Variants in PIK3R5 observed in about 807,000 individuals in gnomAD.
PIK3R5 encodes phosphoinositide 3-kinase regulatory subunit 5.
A neutral mutation model predicts 94.9 loss-of-function variants in PIK3R5; 32 were observed. The observed-to-expected ratio is 0.34, with a 90% CI of 0.25 to 0.45. PIK3R5 has a LOEUF of 0.45. Among genes scored for constraint, PIK3R5 ranks in the 20% least tolerant of loss-of-function variants. The pLI, the probability that PIK3R5 is intolerant of heterozygous loss-of-function variation, is 1.00. For missense variants in PIK3R5, 853 were observed against 1,144.6 expected, an observed-to-expected ratio of 0.75 and a Z score of 3.68; for synonymous variants, 443 against 479.4, an observed-to-expected ratio of 0.92 and a Z score of 0.99.
Position 8,935,193 on chromosome 17 carries a change from G to A in PIK3R5, c.-13-23686C>T, listed in dbSNP as rs1029626528. Among the ~76,000 whole-genome samples, 2 of 151,984 alleles carry A rather than the reference G, an allele frequency of 1.3e-5. No homozygotes were observed. Among genetic ancestry groups the A allele is most frequent in the Non-Finnish European group, 2.9e-5 (2 of 68,010 alleles). ...CGTTATAACTGCCTATTTCTCTAGCGGGCTTTCAACTCTGACGTCAATGTC... is the reference window on the plus strand; with the variant it reads ...CGTTATAACTGCCTATTTCTCTAGCAGGCTTTCAACTCTGACGTCAATGTC... On this transcript the variant is annotated intron_variant, in intron 1 of 18. Coordinates refer to ENST00000447110, the MANE Select transcript of PIK3R5 (RefSeq NM_001142633.3). The surrounding 1 kb of genome is among the most constrained non-coding windows in gnomAD (Gnocchi z 4.5).
chr17:8,936,226 C>T (rs566506560), intron 1 of PIK3R5, among the ~76,000 whole-genome samples: 26 of 152,144 alleles, frequency 1.7e-4, no homozygotes, highest in Non-Finnish European at 2.6e-4. Flanking sequence ...TCCATTAGTG[C>T]GGTTCATTCG....
rs753586955 is a variant in PIK3R5, at chr17:8,884,253, T to C, written c.2205+454A>G. Among the ~76,000 whole-genome samples the C allele has an allele frequency of 3.3e-5, 5 of 152,062 alleles. No individual in the cohort carries two copies. The highest frequency in any genetic ancestry group is 7.4e-5 in the Non-Finnish European group (5 of 67,992). On this transcript the variant is annotated intron_variant, in intron 15 of 18. Transcript: ENST00000447110. This position sits in a 1 kb window ranked among gnomAD's most constrained non-coding sequence, Gnocchi z 5.8. ...GGATGCGACCTGCTCAGAGAACTCA[T>C]GTCTTCTGGCATGTCATGGACAGCC...
At position 8,889,188 on chromosome 17, in the gene PIK3R5, G is replaced by T. The variant is rs1480711548; in HGVS notation, c.846C>A (p.Pro282=). ...AGGTGTAGCACCTGGCGACAGGGAT[G>T]GGGATGGTGTGGAGCTTCCCTGGTT... ...TAKPGKLHTI[P]IPVARCYTYS... The change falls in exon 9 of 19, where the codon CCC becomes CCA. Residue 282 remains proline, a synonymous_variant. Transcript: ENST00000447110. The surrounding 1 kb of genome is among the most constrained non-coding windows in gnomAD (Gnocchi z 4.1). 2 of 1,614,004 alleles carry T rather than the reference G, an allele frequency of 1.2e-6. No individual in the cohort carries two copies. Among genetic ancestry groups the T allele is most frequent in the South Asian group, 2.2e-5 (2 of 91,076 alleles).
chr17:8,964,063 G>A (rs758858361), intron 1 of PIK3R5, among the ~76,000 whole-genome samples: 3 of 152,234 alleles, frequency 2.0e-5, no homozygotes, highest in African/African-American at 4.8e-5. Context: ...CATCTCCCAC[G>A]TGCAGCCGTT....
chr17:8,959,621 AG>A (rs2091525038), intron 1 of PIK3R5, among the ~76,000 whole-genome samples: 1 of 152,194 alleles, frequency 6.6e-6, no homozygotes, highest in South Asian at 2.1e-4. Context: ...TGGCTCGGCC[AG>A]GTTGGGTGGA....
chr17:8,889,902 G>A lies in PIK3R5; in HGVS notation c.811+71C>T. On this transcript the variant is annotated intron_variant, in intron 8 of 18. Transcript: ENST00000447110. This position sits in a 1 kb window ranked among gnomAD's most constrained non-coding sequence, Gnocchi z 4.1. The stretch of plus-strand genomic sequence containing the variant: ...GGAGCAGAGCCACCAGGCCCGCCTG[G>A]ACCGTGCACCTTGGGACCTAGAATA... The A allele has an allele frequency of 6.4e-7, 1 of 1,553,218 alleles. No individual in the cohort carries two copies. Among genetic ancestry groups the A allele is most frequent in the Non-Finnish European group, 8.9e-7 (1 of 1,129,654 alleles).
chr17:8,918,479 T>C (rs2090671284), intron 1 of PIK3R5, among the ~76,000 whole-genome samples: 1 of 152,114 alleles, frequency 6.6e-6, no homozygotes, highest in Non-Finnish European at 1.5e-5. Flanking sequence ...CACAAGTCTA[T>C]AGATAATTAT....
Position 8,909,235 on chromosome 17 carries a change from G to A in PIK3R5, c.104-61C>T. On this transcript the variant is annotated intron_variant, in intron 2 of 18. Transcript: ENST00000447110. This position sits in a 1 kb window ranked among gnomAD's most constrained non-coding sequence, Gnocchi z 4.3. ...GTGTCTTCCAGTCACACTCAGGCAG[G>A]GGCTGTAAAGAAGGGGCATTTATGC... The A allele has an allele frequency of 1.2e-5, 12 of 1,005,670 alleles. No homozygotes were observed. Among genetic ancestry groups the A allele is most frequent in the South Asian group, 6.8e-5 (5 of 73,038 alleles). The allele number at this position is 1,005,670 out of a possible 1,614,324, so 62.3% of individuals were successfully genotyped here. A position where few individuals can be genotyped will look rare whatever the true frequency, so the allele number is the denominator to read the frequency against.
At chr17:8,954,164 T>G (rs987044218) in intron 1 of PIK3R5, among the ~76,000 whole-genome samples, 1 of 152,230 alleles carries the variant, frequency 6.6e-6, no homozygotes, top group Non-Finnish European at 1.5e-5. Context: ...AAGGAAGTTT[T>G]TTGTTCTAGA....
At chr17:8,913,039 T>A (rs2090558961) in intron 1 of PIK3R5, among the ~76,000 whole-genome samples, 1 of 152,216 alleles carries the variant, frequency 6.6e-6, no homozygotes, top group African/African-American at 2.4e-5. Context: ...ACCAAGCAGC[T>A]GTGCTCCTTG....
intron 3 of PIK3R5, among the ~76,000 whole-genome samples, chr17:8,906,230 C>T (rs763828261): frequency 5.9e-5 from 9 of 152,150 alleles, no homozygotes; most frequent in Non-Finnish European, 1.2e-4. Context: ...GTTCAAATCC[C>T]ACTTATGAGT....
chr17:8,949,566 C>T (rs1003351291), intron 1 of PIK3R5, among the ~76,000 whole-genome samples: 3 of 152,198 alleles, frequency 2.0e-5, no homozygotes, highest in Middle Eastern at 3.4e-3. Flanking sequence ...TTGTCGTCAT[C>T]GTGAGGAACA....
At chr17:8,932,813 GA>G (rs1191495268) in intron 1 of PIK3R5, among the ~76,000 whole-genome samples, 1 of 151,968 alleles carries the variant, frequency 6.6e-6, no homozygotes, top group Non-Finnish European at 1.5e-5. Flanking sequence ...AATGGGTGCA[GA>G]AAAAAATATT....
chr17:8,929,736 A>T (rs1157910903), intron 1 of PIK3R5, among the ~76,000 whole-genome samples: 1 of 152,194 alleles, frequency 6.6e-6, no homozygotes, highest in Non-Finnish European at 1.5e-5. Context: ...ACATGTTCTC[A>T]CTTTTAAGTG....
chr17:8,912,628 C>T (rs2090550179), intron 1 of PIK3R5: 1 of 152,304 alleles, frequency 6.6e-6, no homozygotes, highest in Non-Finnish European at 1.5e-5. Flanking sequence ...CCAGTCAGGC[C>T]AGGCCATAGA....
At chr17:8,913,146 G>C (rs1024978384) in intron 1 of PIK3R5, among the ~76,000 whole-genome samples, 1 of 152,186 alleles carries the variant, frequency 6.6e-6, no homozygotes, top group Admixed American at 6.5e-5. Context: ...GGGACAAGTG[G>C]GGACCCCCCT....
chr17:8,884,963 C>T lies in PIK3R5; in HGVS notation c.2129-180G>A. Reference sequence around the variant, plus strand: ...TCTGGCTCCACGTTCTGGGGATCTCCACCTCCTCAGTGACCCCATCACTCC... The same window carrying T: ...TCTGGCTCCACGTTCTGGGGATCTCTACCTCCTCAGTGACCCCATCACTCC... On this transcript the variant is annotated intron_variant, in intron 14 of 18. Transcript: ENST00000447110. This position sits in a 1 kb window ranked among gnomAD's most constrained non-coding sequence, Gnocchi z 5.8. The T allele has an allele frequency of 3.3e-6, 2 of 608,626 alleles. No individual in the cohort carries two copies. The highest frequency in any genetic ancestry group is 5.9e-6 in the Non-Finnish European group (2 of 336,730). 37.7% of individuals were successfully genotyped at this position (608,626 alleles called of 1,614,324 possible).
In PIK3R5 at chr17:8,904,669, A is replaced by C; in HGVS notation, c.412+108T>G. The C allele has an allele frequency of 9.1e-7, 1 of 1,094,092 alleles. No homozygotes were observed. The highest frequency in any genetic ancestry group is 1.4e-5 in the South Asian group (1 of 69,084). 67.8% of individuals were successfully genotyped at this position (1,094,092 alleles called of 1,614,324 possible). ...GTGAACCAAGGCGTTGGCAGAGATG[A>C]ATCAAAGGATGCAAGGTAAGGAGGG... On this transcript the variant is annotated intron_variant, in intron 5 of 18. Transcript: ENST00000447110. This position sits in a 1 kb window ranked among gnomAD's most constrained non-coding sequence, Gnocchi z 5.1.
At chr17:8,930,434 G>T (rs898135490) in intron 1 of PIK3R5, among the ~76,000 whole-genome samples, 1 of 152,192 alleles carries the variant, frequency 6.6e-6, no homozygotes, top group African/African-American at 2.4e-5. Context: ...GTGGGATACA[G>T]TTAAAGTAGT....
Sources: gnomAD v4.1 joint callset for allele counts (sites outside exome capture counted in the v4.1 genomes callset) on GRCh38, gnomAD v4.1.1 for gene constraint, Gnocchi (gnomAD v3.1) non-coding constraint, MANE v1.5 for transcripts, NCBI Gene and HGNC (gene_info 2026-07-23, HGNC 2026-07-21) for gene names.